TSPAN11: variants seen among roughly 807,000 people sequenced by gnomAD.
TSPAN11 encodes tetraspanin 11.
Under a neutral mutation model 32.9 loss-of-function variants are expected in TSPAN11, and 29 were observed. The ratio of observed to expected loss-of-function variants is 0.88; its 90% confidence interval spans 0.66 to 1.20. The LOEUF is 1.20. TSPAN11 is among the 50% of genes most tolerant of loss of function. The pLI is 0.00. For missense variants in TSPAN11, 283 were observed against 329.1 expected (o/e 0.86, Z 1.08); for synonymous variants, 140 against 141.3 (o/e 0.99, Z 0.07).
At chr12:30,956,817 A>T (rs765526704) in intron 2 of TSPAN11, among the ~76,000 whole-genome samples, 16 of 152,186 alleles carry the variant, frequency 1.1e-4, no homozygotes, top group Non-Finnish European at 2.1e-4. Context: ...AATAATCAAA[A>T]CGTTTCTAGC....
chr12:30,982,123 G>T (rs1055744425), intron 5 of TSPAN11, among the ~76,000 whole-genome samples: 1 of 152,118 alleles, frequency 6.6e-6, no homozygotes, highest in African/African-American at 2.4e-5. Context: ...CTAGATCTCT[G>T]TCCCCACGTC....
At chr12:30,941,412 C>T (rs997922019) in intron 1 of TSPAN11, among the ~76,000 whole-genome samples, 2 of 152,268 alleles carry the variant, frequency 1.3e-5, no homozygotes, top group East Asian at 1.9e-4. Flanking sequence ...GAGCCTTGGG[C>T]GATGCAGAAA....
chr12:30,942,727 T>TAAAAAAAA (rs10661944), intron 1 of TSPAN11, among the ~76,000 whole-genome samples: 1 of 143,482 alleles, frequency 7.0e-6, no homozygotes, highest in Non-Finnish European at 1.5e-5. Flanking sequence ...CAAATGAAGT[T>TAAAAAAAA]AAAAAAAAAA....
intron 1 of TSPAN11, among the ~76,000 whole-genome samples, chr12:30,950,137 T>C (rs1440849746): frequency 6.7e-6 from 1 of 149,794 alleles, no homozygotes; most frequent in Admixed American, 6.7e-5. Context: ...AGCATCACCA[T>C]CCTGGGGTTG....
In TSPAN11 at chr12:30,978,579, G is replaced by C. The variant is rs781006838; in HGVS notation, c.295G>C (p.Val99Leu). 2 of 1,614,216 alleles carry C rather than the reference G, an allele frequency of 1.2e-6. No homozygotes were observed. The highest frequency in any genetic ancestry group is 1.1e-5 in the South Asian group (1 of 91,080). Residue 99 changes from valine (V) to leucine (L), a missense_variant, in exon 4 of 8, where the codon GTC (valine) becomes CTC (leucine). By Grantham distance (32) the Val-to-Leu change is conservative (BLOSUM62 1). Coordinates refer to ENST00000546076, the MANE Select transcript of TSPAN11 (RefSeq NM_001370302.1). The part of the protein sequence containing the change: ...CLSTYFCLLL[V>L]IFLVELVAGV... ...CTGCTAGTATTTCTGCCTGTTGCTCGTCATCTTCCTGGTTGAGCTGGTGGC... is the reference window on the plus strand; with the variant it reads ...CTGCTAGTATTTCTGCCTGTTGCTCCTCATCTTCCTGGTTGAGCTGGTGGC...
intron 2 of TSPAN11, among the ~76,000 whole-genome samples, chr12:30,961,497 G>A (rs952995840): frequency 7.9e-5 from 12 of 152,040 alleles, no homozygotes; most frequent in African/African-American, 2.7e-4. Flanking sequence ...CCCCTCTGGT[G>A]ACCCATCCAA....
At chr12:30,942,077 G>A (rs910631111) in intron 1 of TSPAN11, among the ~76,000 whole-genome samples, 1 of 152,206 alleles carries the variant, frequency 6.6e-6, no homozygotes, top group African/African-American at 2.4e-5. Context: ...CTGAGGGGCA[G>A]GGGTGCTGAG....
chr12:31,010,312 G>C, the TSPAN11 span, among the ~76,000 whole-genome samples: 1 of 152,170 alleles, frequency 6.6e-6, no homozygotes, highest in African/African-American at 2.4e-5. Flanking sequence ...CATAAACAGA[G>C]ACGGAGAAGA....
intron 1 of TSPAN11, among the ~76,000 whole-genome samples, chr12:30,939,767 CT>C (rs1236893308): frequency 6.6e-6 from 1 of 152,206 alleles, no homozygotes; most frequent in African/African-American, 2.4e-5. Context: ...TTTTCAATCC[CT>C]GTCAGAGCTG....
intron 7 of TSPAN11, among the ~76,000 whole-genome samples, chr12:30,983,864 C>G (rs1939147614): frequency 6.6e-6 from 1 of 152,080 alleles, no homozygotes; most frequent in Admixed American, 6.5e-5. Flanking sequence ...AATATTGCAC[C>G]ATTTTATATC....
At chr12:30,949,252 A>C (rs1456914156) in intron 1 of TSPAN11, among the ~76,000 whole-genome samples, 1 of 152,172 alleles carries the variant, frequency 6.6e-6, no homozygotes, top group Admixed American at 6.5e-5. Context: ...CCCAGTTCCA[A>C]AGTTGCTTTC....
the TSPAN11 span, among the ~76,000 whole-genome samples, chr12:31,007,968 G>T: frequency 6.6e-6 from 1 of 152,300 alleles, no homozygotes. Context: ...GGAGAGACAT[G>T]AAGGGGCAGA....
chr12:30,964,213 C>T (rs1211116090), intron 3 of TSPAN11, among the ~76,000 whole-genome samples, 196 bp downstream of exon 3: 1 of 152,154 alleles, frequency 6.6e-6, no homozygotes, highest in Admixed American at 6.5e-5. Context: ...GCAGGCGTCT[C>T]AGTAGCTGCA....
intron 1 of TSPAN11, among the ~76,000 whole-genome samples, chr12:30,937,875 G>C (rs1447128471): frequency 6.6e-6 from 1 of 152,218 alleles, no homozygotes; most frequent in African/African-American, 2.4e-5. Flanking sequence ...GTCCTTGTCT[G>C]CATGGTTGAA....
intron 1 of TSPAN11, among the ~76,000 whole-genome samples, chr12:30,949,741 A>G (rs1037397285): frequency 2.6e-5 from 4 of 151,550 alleles, no homozygotes; most frequent in African/African-American, 9.7e-5. Context: ...GAAAATATCC[A>G]CCTCCAGGTC....
chr12:30,969,594 C>T (rs60644751), intron 3 of TSPAN11, among the ~76,000 whole-genome samples: 2,727 of 152,288 alleles, frequency 0.018, 86 homozygotes, highest in African/African-American at 0.062. Context: ...CCATCCTTCT[C>T]GGGATGCAGC....
chr12:30,978,439 G>T lies in TSPAN11; in HGVS notation c.277-122G>T, dbSNP rs576013949. ...CCAGTGAGGCTGGTACATCCAGGAG[G>T]AAGATGGCATGGATGATAGGGGTCC... On this transcript the variant is annotated intron_variant, in intron 3 of 7. Transcript: ENST00000546076. The T allele has an allele frequency of 6.6e-4, 616 of 929,690 alleles. 4 individuals are homozygous for T. The highest frequency in any genetic ancestry group is 1.3e-3 in the South Asian group (88 of 66,456). 57.6% of individuals were successfully genotyped at this position (929,690 alleles called of 1,614,324 possible). A position where few individuals can be genotyped will look rare whatever the true frequency, so the allele number is the denominator to read the frequency against.
At chr12:30,998,941 A>G (rs1231835120), downstream of TSPAN11, 2 of 152,220 alleles carry the variant, frequency 1.3e-5, no homozygotes, top group Non-Finnish European at 2.9e-5. Context: ...TCGCCAGAGA[A>G]AAGAAATATA....
chr12:31,013,195 G>A, the TSPAN11 span, among the ~76,000 whole-genome samples: 2 of 152,200 alleles, frequency 1.3e-5, no homozygotes, highest in Non-Finnish European at 2.9e-5. Context: ...CCAGCCATGA[G>A]TACAATGATA....
Sources: allele counts gnomAD v4.1 joint callset (sites outside exome capture counted in the v4.1 genomes callset), GRCh38; gene constraint gnomAD v4.1.1; transcripts MANE v1.5; gene names NCBI Gene and HGNC (gene_info 2026-07-23, HGNC 2026-07-21).